Variants in FAM20C observed in about 807,000 individuals in gnomAD.
The protein encoded by FAM20C is FAM20C golgi associated secretory pathway kinase, also known as extracellular serine/threonine protein kinase FAM20C.
In FAM20C, 40 loss-of-function variants were observed where a neutral mutation model predicts 51.5. The ratio of observed to expected loss-of-function variants is 0.78; its 90% CI spans 0.60 to 1.01. FAM20C has a LOEUF of 1.01. Ranked by LOEUF, FAM20C falls within the 50% of genes least tolerant of loss-of-function variation. The pLI is 0.00. For missense variants in FAM20C, 861 were observed against 844.7 expected, an observed-to-expected ratio of 1.02 and a Z score of -0.24; for synonymous variants, 406 against 380.6, an observed-to-expected ratio of 1.07 and a Z score of -0.78.
chr7:234,461 G>A (rs1380094821), intron 3 of FAM20C, among the ~76,000 whole-genome samples: 15 of 152,180 alleles, frequency 9.9e-5, no homozygotes, highest in East Asian at 1.9e-4. Flanking sequence ...GTGGCTGGCC[G>A]AGGGCAGGGC....
At chr7:195,842 G>A (rs147129705) in intron 2 of FAM20C, 110 bp downstream of exon 2, 59 of 1,109,164 alleles carry the variant, frequency 5.3e-5, no homozygotes, top group African/African-American at 4.2e-4. Flanking sequence ...TGCTCATTAC[G>A]GCAGCGTCAC....
chr7:208,300 G>A (rs779086147), intron 2 of FAM20C, among the ~76,000 whole-genome samples: 14 of 143,512 alleles, frequency 9.8e-5, no homozygotes, highest in African/African-American at 1.3e-4. Flanking sequence ...TGGCCGTCCC[G>A]TCGAGATTAG....
Position 243,696 on chromosome 7 carries a change from G to A in FAM20C, c.864-2719G>A, listed in dbSNP as rs865867805. ...CCACCCGGGAGACCTGTGCCACCCG[G>A]GAGACCTGTGCCACCCAAGAGACCT... On this transcript the variant is annotated intron_variant, in intron 3 of 9. Coordinates refer to ENST00000313766, the MANE Select transcript of FAM20C (RefSeq NM_020223.4). Among the ~76,000 whole-genome samples the A allele has an allele frequency of 7.2e-5, 3 of 41,942 alleles. No individual in the cohort carries two copies. The African/African-American group carries it at 1.2e-3, about 17-fold the overall frequency. The allele number at this position is 41,942 out of a possible 152,430, so 27.5% of individuals were successfully genotyped here.
chr7:208,185 C>T (rs1044069095), intron 2 of FAM20C, among the ~76,000 whole-genome samples: 5 of 142,098 alleles, frequency 3.5e-5, no homozygotes, highest in South Asian at 4.7e-4. Context: ...AGGGGTGTGT[C>T]GGGGGGTGTC....
In FAM20C at chr7:260,010, G is replaced by A. The variant is rs36173075; in HGVS notation, c.*30G>A. On this transcript the variant is annotated 3_prime_UTR_variant, in exon 10 of 10. Coordinates refer to ENST00000313766, the MANE Select transcript of FAM20C (RefSeq NM_020223.4). ...CGCCGGCCGCTGCGCTGCCCGGGAC[G>A]GAGACAGAGGCGCCGGACCTCCCAG... is the stretch of plus-strand genomic sequence containing the variant. 457,494 of 1,474,588 alleles carry A rather than the reference G, an allele frequency of 0.31. 74,358 individuals are homozygous for A. Among genetic ancestry groups the A allele is most frequent in the Non-Finnish European group, 0.33 (369,535 of 1,109,632 alleles). The allele number at this position is 1,474,588 out of a possible 1,614,324, so 91.3% of individuals were successfully genotyped here.
chr7:253,458 G>A (rs540027598), intron 5 of FAM20C, among the ~76,000 whole-genome samples: 11 of 152,288 alleles, frequency 7.2e-5, no homozygotes, highest in Non-Finnish European at 1.6e-4. Context: ...GATCTCTCCT[G>A]GGTTTGTCCG....
intron 3 of FAM20C, among the ~76,000 whole-genome samples, chr7:230,482 G>A (rs1787627090): frequency 6.6e-6 from 1 of 151,834 alleles, no homozygotes. Context: ...CGGAACACCA[G>A]GAGCCCTTCA....
chr7:235,452 C>G (rs1787819062), intron 3 of FAM20C, among the ~76,000 whole-genome samples: 1 of 152,192 alleles, frequency 6.6e-6, no homozygotes, highest in South Asian at 2.1e-4. Context: ...AAATGCACCT[C>G]CCCCAACCCC....
At chr7:214,459 C>T (rs1044688112) in intron 3 of FAM20C, among the ~76,000 whole-genome samples, 5 of 152,206 alleles carry the variant, frequency 3.3e-5, no homozygotes, top group Admixed American at 2.0e-4. Context: ...GGTGTAATTA[C>T]GTTTGAATGC....
At chr7:209,050 G>A in intron 3 of FAM20C, 74 bp downstream of exon 3, 1 of 1,446,448 alleles carries the variant, frequency 6.9e-7, no homozygotes, top group Non-Finnish European at 9.5e-7. Context: ...GCTTCTGCTG[G>A]GGATGGCCGT....
intron 3 of FAM20C, among the ~76,000 whole-genome samples, chr7:226,756 G>C (rs753570161): frequency 6.6e-6 from 1 of 152,242 alleles, no homozygotes; most frequent in Non-Finnish European, 1.5e-5. Context: ...ACTGAGGCTG[G>C]CCACAGAAGG....
intron 2 of FAM20C, among the ~76,000 whole-genome samples, chr7:200,898 A>C (rs1459763113): frequency 1.3e-5 from 2 of 152,106 alleles, no homozygotes; most frequent in African/African-American, 4.8e-5. Flanking sequence ...CCACAGTTCT[A>C]GCCTCCTTGA....
Position 248,851 on chromosome 7 carries a change from G to A in FAM20C, c.1072+421G>A, listed in dbSNP as rs145441669. ...TCCACGTAGCCTGGCACGGGGGCCC[G>A]CATTCATCTCTCCAGGTAGCCTGGC... On this transcript the variant is annotated intron_variant, in intron 5 of 9. Coordinates refer to ENST00000313766, the MANE Select transcript of FAM20C (RefSeq NM_020223.4). 2.8e-3 allele frequency among the ~76,000 whole-genome samples: 411 copies of A among 148,988 alleles called. 1 individual carries two copies. The highest frequency in any genetic ancestry group is 9.8e-3 in the African/African-American group (397 of 40,450).
intron 3 of FAM20C, among the ~76,000 whole-genome samples, chr7:245,084 G>A (rs1019497044): frequency 3.9e-5 from 6 of 152,220 alleles, no homozygotes; most frequent in Admixed American, 1.3e-4. Context: ...CGATGATGTC[G>A]GCCCGTGGCA....
At chr7:257,343 G>C (rs1788626264) in intron 8 of FAM20C, 1 of 523,012 alleles carries the variant, frequency 1.9e-6, no homozygotes, top group South Asian at 2.2e-5. Flanking sequence ...TGTTACCTGG[G>C]AAACGGAGGC....
At chr7:203,829 C>T (rs1786233574) in intron 2 of FAM20C, among the ~76,000 whole-genome samples, 1 of 152,190 alleles carries the variant, frequency 6.6e-6, no homozygotes, top group Non-Finnish European at 1.5e-5. Context: ...ACCGGGATTA[C>T]AAGCCCTGGA....
intron 2 of FAM20C, among the ~76,000 whole-genome samples, chr7:196,714 G>C (rs1476881585): frequency 6.6e-6 from 1 of 152,218 alleles, no homozygotes; most frequent in African/African-American, 2.4e-5. Flanking sequence ...CAGGACTTAG[G>C]TGTCCCCTTT....
chr7:240,511 A>G (rs1289815904), intron 3 of FAM20C, among the ~76,000 whole-genome samples: 1 of 149,938 alleles, frequency 6.7e-6, no homozygotes, highest in African/African-American at 2.5e-5. Flanking sequence ...GGAGGTGATG[A>G]TGATGTGGAG....
At chr7:222,454 G>A (rs1787268101) in intron 3 of FAM20C, among the ~76,000 whole-genome samples, 2 of 152,150 alleles carry the variant, frequency 1.3e-5, no homozygotes, top group African/African-American at 4.8e-5. Flanking sequence ...ACAGGCTCAG[G>A]AAGCAGATGC....
Sources: allele counts gnomAD v4.1 joint callset (sites outside exome capture counted in the v4.1 genomes callset), GRCh38; gene constraint gnomAD v4.1.1; transcripts MANE v1.5; gene names NCBI Gene and HGNC (gene_info 2026-07-23, HGNC 2026-07-21).